The following RSAD2 variants were observed in gnomAD, a reference collection of about 807,000 sequenced individuals.
The protein encoded by RSAD2 is S-adenosylmethionine-dependent nucleotide dehydratase RSAD2.
In RSAD2, 38 loss-of-function variants were observed where a neutral mutation model predicts 37.7. That is an observed-to-expected ratio of 1.01 (90% confidence interval 0.78 to 1.32). The LOEUF (loss-of-function observed/expected upper bound fraction) is 1.32. Among genes scored for constraint, RSAD2 ranks in the 40% most tolerant of loss-of-function variants. The pLI is 0.00. For synonymous variants in RSAD2, 163 were observed against 157.4 expected (o/e 1.04, Z -0.27); for missense variants, 428 against 437.5 (o/e 0.98, Z 0.19).
At chr2:6,873,400 C>T (rs1663232458), upstream of RSAD2, among the ~76,000 whole-genome samples, 1 of 152,202 alleles carries the variant, frequency 6.6e-6, no homozygotes, top group South Asian at 2.1e-4. Flanking sequence ...AAATACCCTT[C>T]ACACCAGGTT....
rs577383418 is a variant in RSAD2 at position 6,866,878 on chromosome 2, GA to G, written c.142+842del. On this transcript the variant is annotated intron_variant, in intron 1 of 5. Transcript: ENST00000442639. The stretch of plus-strand genomic sequence containing the variant: ...TAAACTTGGGATTATATTTAATTCT[GA>G]AAAAAAAAGTCTTAACAAACGTGAA... 1.8e-3 allele frequency among the ~76,000 whole-genome samples: 273 copies of G among 148,652 alleles called. 1 individual carries two copies. Among genetic ancestry groups the G allele is most frequent in the South Asian group, 3.8e-3 (18 of 4,694 alleles).
In RSAD2 at chr2:6,886,935, G is replaced by C; in HGVS notation, c.509G>C (p.Gly170Ala). ...LIRERWFQNY[G>A]EYLDILAISC... ...TTTAAACATGATCATTTTCCCTCAG[G>C]TGAGTATTTGGACATTCTCGCTATC... is the stretch of plus-strand genomic sequence containing the variant. Residue 170 changes from glycine (G) to alanine (A), a missense_variant and splice_region_variant, in exon 3 of 6, where the codon GGT becomes GCT. Physicochemically the swap from Gly to Ala is moderately conservative, Grantham distance 60. Transcript: ENST00000382040. The C allele has an allele frequency of 5.0e-6, 8 of 1,612,364 alleles. No homozygotes were observed. The highest frequency in any genetic ancestry group is 6.8e-6 in the Non-Finnish European group (8 of 1,178,422).
In RSAD2 at chr2:6,889,674, A is replaced by G. The variant is rs1222728315; in HGVS notation, c.739-502A>G. Among the ~76,000 whole-genome samples, 4 of 152,344 alleles carry G rather than the reference A, an allele frequency of 2.6e-5. No individual in the cohort carries two copies. The South Asian group carries it at 8.3e-4, about 32-fold the overall frequency. ...AATAATACACTGTCCACACTCTTAC[A>G]CACACATTTGTTTACTTAAAAGACT... On this transcript the variant is annotated intron_variant, in intron 3 of 5. Transcript: ENST00000382040.
At chr2:6,876,255 G>T (rs562472377), upstream of RSAD2, among the ~76,000 whole-genome samples, 1 of 152,128 alleles carries the variant, frequency 6.6e-6, no homozygotes, top group Non-Finnish European at 1.5e-5. Flanking sequence ...CTGCAGTAGG[G>T]TTCCTTCTGC....
upstream of RSAD2, chr2:6,877,575 G>T (rs73914415): frequency 0.011 from 6,137 of 557,954 alleles, 297 homozygotes; most frequent in African/African-American, 0.1. Flanking sequence ...GCCGTGAGCA[G>T]AGAAACCAGG....
upstream of RSAD2, among the ~76,000 whole-genome samples, chr2:6,877,411 C>A (rs1393549228): frequency 6.6e-6 from 1 of 152,162 alleles, no homozygotes; most frequent in African/African-American, 2.4e-5. Flanking sequence ...TTGGCTATGT[C>A]AAGAGAAAGC....
chr2:6,883,956 G>T (rs750300597), intron 2 of RSAD2: 7 of 161,656 alleles, frequency 4.3e-5, no homozygotes, highest in Non-Finnish European at 9.5e-5. Context: ...GGGCTCCAAG[G>T]GATTCCACCA....
At chr2:6,885,198 T>G (rs1361068482) in intron 2 of RSAD2, among the ~76,000 whole-genome samples, 1 of 152,208 alleles carries the variant, frequency 6.6e-6, no homozygotes, top group Non-Finnish European at 1.5e-5. Context: ...CTCTGAGTCC[T>G]TCTCCATCCC....
Position 6,890,255 on chromosome 2 carries a change from A to G in RSAD2, c.818A>G (p.Asp273Gly), listed in dbSNP as rs758663261. ...LREAERFVIG[D>G]EEFERFLERH... ...GAAGCAGAAAGATTTGTTATTGGTG[A>G]TGAAGAATTTGAAAGATTCTTGGAG... The change falls in exon 4 of 6, where the codon GAT becomes GGT. Residue 273 changes from aspartate to glycine, a missense_variant. Coordinates refer to ENST00000382040, the MANE Select transcript of RSAD2 (RefSeq NM_080657.5). 6.2e-7 allele frequency: 1 copy of G among 1,614,202 alleles called. No individual in the cohort carries two copies. The highest frequency in any genetic ancestry group is 1.7e-5 in the Admixed American group (1 of 60,030).
At chr2:6,887,424 G>A (rs1218305080) in intron 3 of RSAD2, among the ~76,000 whole-genome samples, 1 of 152,132 alleles carries the variant, frequency 6.6e-6, no homozygotes, top group Non-Finnish European at 1.5e-5. Context: ...ATATTGTGAG[G>A]ATAAACATAA....
chr2:6,879,240 A>T (rs1663352312), intron 1 of RSAD2, among the ~76,000 whole-genome samples: 1 of 152,022 alleles, frequency 6.6e-6, no homozygotes, highest in Non-Finnish European at 1.5e-5. Flanking sequence ...AATTCCTATC[A>T]TTTCTCACCA....
chr2:6,869,810 G>A (rs529689266), intron 1 of RSAD2, among the ~76,000 whole-genome samples: 5 of 152,168 alleles, frequency 3.3e-5, no homozygotes, highest in East Asian at 1.9e-4. Context: ...CCTTCAAGAC[G>A]GAGCTCAAGT....
At chr2:6,885,755 G>A (rs895801796) in intron 2 of RSAD2, among the ~76,000 whole-genome samples, 2 of 152,190 alleles carry the variant, frequency 1.3e-5, no homozygotes, top group African/African-American at 2.4e-5. Flanking sequence ...TAGTATAACT[G>A]ATAAGGCTGT....
intron 4 of RSAD2, among the ~76,000 whole-genome samples, chr2:6,891,624 G>A (rs755875462): frequency 2.0e-5 from 3 of 152,042 alleles, no homozygotes; most frequent in African/African-American, 2.4e-5. Context: ...AAAATTAGCC[G>A]GGCGTGGTTG....
chr2:6,888,244 T>C (rs887506707), intron 3 of RSAD2, among the ~76,000 whole-genome samples: 6 of 152,220 alleles, frequency 3.9e-5, no homozygotes, highest in African/African-American at 1.2e-4. Context: ...GAAGCTGTCC[T>C]GTAATATGTG....
intron 3 of RSAD2, 118 bp downstream of exon 3, chr2:6,887,282 C>G: frequency 1.4e-6 from 1 of 698,718 alleles, no homozygotes; most frequent in Non-Finnish European, 2.4e-6. Context: ...GCAAGCCAGT[C>G]CAGAAGTCAG....
rs3085176 is a variant in RSAD2, at chr2:6,897,994, CAAAAAAAAAA to C, written c.*2063_*2072del. The C allele has an allele frequency of 1.5e-5, 1 of 68,334 alleles. No homozygotes were observed. The highest frequency in any genetic ancestry group is 5.8e-5 in the African/African-American group (1 of 17,178). 4.2% of individuals were successfully genotyped at this position (68,334 alleles called of 1,614,324 possible). A position where few individuals can be genotyped will look rare whatever the true frequency, so the allele number is the denominator to read the frequency against. On this transcript the variant is annotated 3_prime_UTR_variant, in exon 6 of 6. Coordinates refer to ENST00000382040, the MANE Select transcript of RSAD2 (RefSeq NM_080657.5). ...TGGATGACAGAGCAAGACTCCGTCT[CAAAAAAAAAA>C]AAAAAAAAAAGCAAGAGAGTTCAAC...
rs765867069 is a variant in RSAD2 at position 6,887,081 on chromosome 2, A to G, written c.655A>G (p.Lys219Glu). The G allele has an allele frequency of 6.8e-6, 11 of 1,614,160 alleles. No individual in the cohort carries two copies. Among genetic ancestry groups the G allele is most frequent in the Non-Finnish European group, 9.3e-6 (11 of 1,179,990 alleles). The change falls in exon 3 of 6, where the codon AAG (lysine) becomes GAG (glutamate). Residue 219 changes from lysine to glutamate, a missense_variant. Physicochemically the swap from Lys to Glu is moderately conservative, Grantham distance 56 (BLOSUM62 1). Transcript: ENST00000382040. ...RWCRDYRVAF[K>E]INSVINRFNV... ...GTGTAGGGATTATAGAGTCGCTTTC[A>G]AGATAAATTCTGTCATTAATCGTTT...
chr2:6,872,877 T>G (rs1333323959), upstream of RSAD2, among the ~76,000 whole-genome samples: 1 of 152,214 alleles, frequency 6.6e-6, no homozygotes, highest in South Asian at 2.1e-4. Flanking sequence ...TGATTTGCTC[T>G]TAGTAAAATT....
Sources: gnomAD v4.1 joint callset for allele counts (sites outside exome capture counted in the v4.1 genomes callset) on GRCh38, gnomAD v4.1.1 for gene constraint, MANE v1.5 for transcripts, NCBI Gene and HGNC (gene_info 2026-07-23, HGNC 2026-07-21) for gene names.